DYM: variants seen among roughly 807,000 people sequenced by gnomAD.
DYM encodes the protein dymeclin.
A neutral mutation model predicts 93.1 loss-of-function variants in DYM; 78 were observed. The ratio of observed to expected loss-of-function variants is 0.84; its 90% CI spans 0.70 to 1.01. The LOEUF (loss-of-function observed/expected upper bound fraction) is 1.01. DYM is among the 50% of genes least tolerant of loss of function. DYM has a pLI of 0.00. For synonymous variants in DYM, 321 were observed against 319.7 expected, an observed-to-expected ratio of 1.00 and a Z score of -0.04; for missense variants, 789 against 845.0, an observed-to-expected ratio of 0.93 and a Z score of 0.82.
intron 2 of DYM, among the ~76,000 whole-genome samples, chr18:49,398,904 A>C (rs896994466): frequency 6.6e-6 from 1 of 152,218 alleles, no homozygotes; most frequent in African/African-American, 2.4e-5. Context: ...AAGGATTGTA[A>C]AAAGCTTTAT....
At chr18:49,312,824 C>T (rs183765878) in intron 8 of DYM, among the ~76,000 whole-genome samples, 1 of 152,218 alleles carries the variant, frequency 6.6e-6, no homozygotes, top group African/African-American at 2.4e-5. Context: ...GTTGGGTTAG[C>T]TCTTGGCTTT....
At chr18:49,234,884 T>C (rs1223342488) in intron 13 of DYM, among the ~76,000 whole-genome samples, 1 of 152,182 alleles carries the variant, frequency 6.6e-6, no homozygotes, top group Non-Finnish European at 1.5e-5. Context: ...TCATTTGATG[T>C]GCCAGTTAGA....
In DYM at chr18:49,374,802, A is replaced by G. The variant is rs542614664; in HGVS notation, c.421+3765T>C. Among the ~76,000 whole-genome samples, 4 of 152,284 alleles carry G rather than the reference A, an allele frequency of 2.6e-5. No individual in the cohort carries two copies. In the East Asian group the frequency reaches 7.7e-4, roughly 29 times the overall value. On this transcript the variant is annotated intron_variant, in intron 5 of 17. Transcript: ENST00000675505. ...GGTGAAACCCCTGTCTCTACTAAAA[A>G]TACAAAAGTAACCGGGCATGGTGGC...
At chr18:49,067,182 C>T (rs1188634417) in intron 17 of DYM, among the ~76,000 whole-genome samples, 19 of 97,092 alleles carry the variant, frequency 2.0e-4, no homozygotes, top group Admixed American at 3.6e-4. Context: ...TATGGAGGTT[C>T]AGTAGAGGAA....
chr18:49,221,014 A>G (rs1343161323), intron 13 of DYM, among the ~76,000 whole-genome samples: 1 of 152,242 alleles, frequency 6.6e-6, no homozygotes, highest in East Asian at 1.9e-4. Flanking sequence ...CATCTGACAA[A>G]GGGCTAATAT....
intron 17 of DYM, among the ~76,000 whole-genome samples, chr18:49,089,124 C>G (rs1245351788): frequency 6.6e-6 from 1 of 152,160 alleles, no homozygotes. Context: ...CCTCAGTTTC[C>G]TCACTTGCAG....
At chr18:49,306,448 G>T (rs1302153445) in intron 8 of DYM, among the ~76,000 whole-genome samples, 3 of 152,212 alleles carry the variant, frequency 2.0e-5, no homozygotes, top group African/African-American at 4.8e-5. Context: ...CTTGAACTGG[G>T]ATGTGTGAAT....
intron 10 of DYM, among the ~76,000 whole-genome samples, chr18:49,276,509 G>A (rs1027206499): frequency 3.9e-5 from 6 of 152,028 alleles, no homozygotes; most frequent in African/African-American, 1.4e-4. Flanking sequence ...ACTACTAGGA[G>A]TTATCTGAGA....
At chr18:49,302,695 C>T (rs781582153) in intron 8 of DYM, among the ~76,000 whole-genome samples, 13 of 152,204 alleles carry the variant, frequency 8.5e-5, no homozygotes, top group Non-Finnish European at 1.6e-4. Context: ...CAAATTACTA[C>T]ATTGAAATCT....
chr18:49,050,080 CTTTTTTTTTTT>C (rs555098372), intron 17 of DYM, among the ~76,000 whole-genome samples: 4 of 106,912 alleles, frequency 3.7e-5, no homozygotes, highest in South Asian at 3.3e-4. Flanking sequence ...AGGTAACTTC[CTTTTTTTTTTT>C]TTTTTTTTTT....
intron 2 of DYM, among the ~76,000 whole-genome samples, chr18:49,422,201 T>A (rs1212900237): frequency 6.6e-6 from 1 of 152,080 alleles, no homozygotes; most frequent in East Asian, 1.9e-4. Context: ...GACACATAAT[T>A]GTCAGATTCA....
chr18:49,100,270 C>T lies in DYM; in HGVS notation c.1912-2755G>A, dbSNP rs551652084. 4.6e-5 allele frequency among the ~76,000 whole-genome samples: 7 copies of T among 152,176 alleles called. 1 individual carries two copies. The South Asian group carries it at 1.5e-3, about 32-fold the overall frequency. ...AATCTCTGGGGCATGTGGAGCCATC[C>T]GCTTTGATAATCACTAATCGAGATA... On this transcript the variant is annotated intron_variant, in intron 16 of 17. Transcript: ENST00000675505.
At chr18:49,309,320 TTTTG>T (rs914168159) in intron 8 of DYM, among the ~76,000 whole-genome samples, 25 of 152,270 alleles carry the variant, frequency 1.6e-4, no homozygotes, top group African/African-American at 5.1e-4. Context: ...TTGAAAGGTT[TTTTG>T]TTTGTTTGTT....
At chr18:49,369,118 T>C (rs2066773948) in intron 5 of DYM, among the ~76,000 whole-genome samples, 1 of 152,186 alleles carries the variant, frequency 6.6e-6, no homozygotes, top group African/African-American at 2.4e-5. Context: ...CCCGTTTTGG[T>C]TCATTTTCTC....
intron 15 of DYM, among the ~76,000 whole-genome samples, chr18:49,139,599 T>C: frequency 6.6e-6 from 1 of 152,196 alleles, no homozygotes. Flanking sequence ...AATAAGATCA[T>C]GCTTCAAATT....
intron 15 of DYM, among the ~76,000 whole-genome samples, chr18:49,138,279 T>C (rs1364732522): frequency 6.6e-6 from 1 of 152,150 alleles, no homozygotes; most frequent in Non-Finnish European, 1.5e-5. Flanking sequence ...TTGAGTAAAT[T>C]GGATGAGGAA....
chr18:49,448,667 C>G (rs1423340691), intron 1 of DYM, among the ~76,000 whole-genome samples: 2 of 152,224 alleles, frequency 1.3e-5, no homozygotes, highest in Non-Finnish European at 2.9e-5. Context: ...GATGCCCCCA[C>G]TGCTTCCTCT....
chr18:49,219,144 T>C (rs1226742932), intron 13 of DYM, among the ~76,000 whole-genome samples: 1 of 152,012 alleles, frequency 6.6e-6, no homozygotes, highest in Admixed American at 6.6e-5. Flanking sequence ...GCAAATAAAC[T>C]AGAAAATCTA....
At chr18:49,084,975 G>T (rs976931772) in intron 17 of DYM, among the ~76,000 whole-genome samples, 6 of 152,144 alleles carry the variant, frequency 3.9e-5, no homozygotes, top group African/African-American at 1.4e-4. Flanking sequence ...ACCATTTCTT[G>T]ATATGAAAAG....
Sources: allele counts gnomAD v4.1 joint callset (sites outside exome capture counted in the v4.1 genomes callset), GRCh38; gene constraint gnomAD v4.1.1; transcripts MANE v1.5; gene names NCBI Gene and HGNC (gene_info 2026-07-23, HGNC 2026-07-21).